SLC28A3: variants seen among roughly 807,000 people sequenced by gnomAD.
SLC28A3 encodes solute carrier family 28 member 3.
In SLC28A3, 68 loss-of-function variants were observed where a neutral mutation model predicts 84.2. The observed-to-expected ratio is 0.81, with a 90% CI of 0.66 to 0.99. SLC28A3 has a LOEUF of 0.99. Among genes scored for constraint, SLC28A3 ranks in the 50% least tolerant of loss-of-function variants. SLC28A3 has a pLI of 0.00. For missense variants in SLC28A3, 712 were observed against 841.5 expected (o/e 0.85, Z 1.90); for synonymous variants, 267 against 303.6 (o/e 0.88, Z 1.25).
intron 1 of SLC28A3, among the ~76,000 whole-genome samples, chr9:84,318,133 A>G (rs1211111492): frequency 1.3e-5 from 2 of 152,072 alleles, no homozygotes; most frequent in Non-Finnish European, 2.9e-5. Context: ...TTCTGGCTCA[A>G]GTCTCGGGTG....
At chr9:84,284,427 C>T (rs1196623513) in intron 14 of SLC28A3, among the ~76,000 whole-genome samples, 1 of 152,138 alleles carries the variant, frequency 6.6e-6, no homozygotes, top group Non-Finnish European at 1.5e-5. Flanking sequence ...AATCTGCAGG[C>T]TTGTTCTTTG....
At chr9:84,305,754 T>C (rs1056383440) in intron 3 of SLC28A3, among the ~76,000 whole-genome samples, 6 of 152,214 alleles carry the variant, frequency 3.9e-5, no homozygotes, top group African/African-American at 1.4e-4. Flanking sequence ...CAAGGAACTC[T>C]GTCATCCCTC....
chr9:84,342,145 GA>G (rs10684482), upstream of SLC28A3, among the ~76,000 whole-genome samples: 1 of 128,470 alleles, frequency 7.8e-6, no homozygotes, highest in South Asian at 2.4e-4. Flanking sequence ...AAAAAAAAAA[GA>G]AAAGAAAAAG....
chr9:84,340,753 C>G lies in SLC28A3; in HGVS notation c.-120G>C. On this transcript the variant is annotated 5_prime_UTR_variant, in exon 1 of 18. Transcript: ENST00000376238. The stretch of plus-strand genomic sequence containing the variant: ...ACAGGGACCTGGGCACAGCTTGCTT[C>G]AGTTTGGAAACTTCTGCAATAATCT... The G allele has an allele frequency of 8.7e-7, 1 of 1,155,290 alleles. No homozygotes were observed. Among genetic ancestry groups the G allele is most frequent in the Middle Eastern group, 2.7e-4 (1 of 3,722 alleles). The allele number at this position is 1,155,290 out of a possible 1,614,324, so 71.6% of individuals were successfully genotyped here.
chr9:84,359,968 C>G, the SLC28A3 span, among the ~76,000 whole-genome samples: 1 of 146,870 alleles, frequency 6.8e-6, no homozygotes. Flanking sequence ...CACCACTGCA[C>G]TCCAGCCTGG....
intron 1 of SLC28A3, among the ~76,000 whole-genome samples, chr9:84,324,232 A>G (rs1826475480): frequency 6.6e-6 from 1 of 151,874 alleles, no homozygotes; most frequent in Admixed American, 6.6e-5. Flanking sequence ...TTTCTTTCAA[A>G]CCTCCCTGGC....
Position 84,278,167 on chromosome 9 carries a change from C to A in SLC28A3, c.*51G>T. ...GCTTCTTTTTTTTTTCTTTCCAAAG[C>A]AGAAAATTCAGCATCTGTACTTCAG... On this transcript the variant is annotated 3_prime_UTR_variant, in exon 18 of 18. Transcript: ENST00000376238. 3.2e-6 allele frequency: 5 copies of A among 1,556,186 alleles called. No homozygotes were observed. Among genetic ancestry groups the A allele is most frequent in the African/African-American group, 1.4e-5 (1 of 72,708 alleles).
intron 2 of SLC28A3, chr9:84,310,652 C>T (rs1825958189): frequency 1.1e-6 from 1 of 950,772 alleles, no homozygotes; most frequent in South Asian, 4.9e-5. Flanking sequence ...TCTCAAAAAT[C>T]CTATAATTCC....
chr9:84,343,883 A>G (rs12335611), upstream of SLC28A3, among the ~76,000 whole-genome samples: 8,219 of 152,148 alleles, frequency 0.054, 452 homozygotes, highest in East Asian at 0.17. Context: ...TTGAGCCCAG[A>G]AGTTTGAGAT....
At chr9:84,309,325 C>G (rs1825901986) in intron 3 of SLC28A3, among the ~76,000 whole-genome samples, 2 of 151,776 alleles carry the variant, frequency 1.3e-5, no homozygotes, top group Non-Finnish European at 2.9e-5. Flanking sequence ...GAGTTCGAGA[C>G]CAGCCTGGCC....
intron 1 of SLC28A3, among the ~76,000 whole-genome samples, chr9:84,336,397 A>G (rs1199522952): frequency 6.6e-6 from 1 of 152,192 alleles, no homozygotes; most frequent in East Asian, 1.9e-4. Context: ...TCAGCTACTC[A>G]GGAGGCTGAG....
intron 1 of SLC28A3, among the ~76,000 whole-genome samples, chr9:84,326,852 C>G (rs1826577596): frequency 6.6e-6 from 1 of 151,590 alleles, no homozygotes; most frequent in Non-Finnish European, 1.5e-5. Context: ...CTAAAAATAC[C>G]AAAAAATTTA....
the SLC28A3 span, among the ~76,000 whole-genome samples, chr9:84,345,845 T>C: frequency 2.0e-5 from 3 of 152,210 alleles, no homozygotes; most frequent in Non-Finnish European, 4.4e-5. Flanking sequence ...TTCTGACTCC[T>C]TGCAGCACCA....
chr9:84,287,865 C>G (rs1260785634), intron 12 of SLC28A3, among the ~76,000 whole-genome samples, 183 bp downstream of exon 12: 1 of 152,058 alleles, frequency 6.6e-6, no homozygotes, highest in African/African-American at 2.4e-5. Context: ...CTTTTTTGAG[C>G]AAGACTCAAA....
intron 1 of SLC28A3, among the ~76,000 whole-genome samples, chr9:84,314,964 CT>C (rs1826120018): frequency 6.6e-6 from 1 of 152,184 alleles, no homozygotes; most frequent in Non-Finnish European, 1.5e-5. Context: ...GTAATCCCAA[CT>C]ACTTGGGAGG....
chr9:84,343,214 CA>C (rs142008994), upstream of SLC28A3, among the ~76,000 whole-genome samples: 7 of 150,614 alleles, frequency 4.6e-5, no homozygotes, highest in South Asian at 4.2e-4. Context: ...AAAACAAAAG[CA>C]AAAAAAAATT....
At chr9:84,351,514 T>C in the SLC28A3 span, among the ~76,000 whole-genome samples, 1 of 151,922 alleles carries the variant, frequency 6.6e-6, no homozygotes, top group African/African-American at 2.4e-5. Context: ...AAAAAATTAG[T>C]TGGGCATGGT....
At chr9:84,311,710 G>A (rs996624774) in intron 2 of SLC28A3, among the ~76,000 whole-genome samples, 6 of 151,734 alleles carry the variant, frequency 4.0e-5, no homozygotes, top group Admixed American at 3.9e-4. Context: ...AAAAAAATTA[G>A]CTGGGCACAG....
At chr9:84,345,485 A>G (rs1588635186), upstream of SLC28A3, among the ~76,000 whole-genome samples, 2 of 152,340 alleles carry the variant, frequency 1.3e-5, no homozygotes, top group African/African-American at 2.4e-5. Context: ...CGTGACTCCA[A>G]TGCCTGACAT....
Sources: allele counts gnomAD v4.1 joint callset (sites outside exome capture counted in the v4.1 genomes callset), GRCh38; gene constraint gnomAD v4.1.1; transcripts MANE v1.5; gene names NCBI Gene and HGNC (gene_info 2026-07-23, HGNC 2026-07-21).